Variants in AGMO observed in about 807,000 individuals in gnomAD.
AGMO encodes the protein alkylglycerol monooxygenase, also known as glyceryl-ether monooxygenase.
A neutral mutation model predicts 60.2 loss-of-function variants in AGMO; 75 were observed. The ratio of observed to expected loss-of-function variants is 1.25; its 90% CI spans 1.03 to 1.51. The LOEUF (loss-of-function observed/expected upper bound fraction) is 1.51. Among genes scored for constraint, AGMO ranks in the 40% most tolerant of loss-of-function variants. The pLI, the probability that AGMO is intolerant of heterozygous loss-of-function variation, is 0.00. For synonymous variants in AGMO, 261 were observed against 177.1 expected (o/e 1.47, Z -3.76); for missense variants, 763 against 525.5 (o/e 1.45, Z -4.42).
the AGMO span, among the ~76,000 whole-genome samples, chr7:15,147,980 C>T: frequency 1.3e-5 from 2 of 152,120 alleles, no homozygotes; most frequent in Non-Finnish European, 2.9e-5. Flanking sequence ...GGAATATTTT[C>T]CAATCACTTA....
intron 12 of AGMO, among the ~76,000 whole-genome samples, chr7:15,263,686 A>G (rs1019113620): frequency 7.2e-5 from 11 of 152,088 alleles, no homozygotes; most frequent in South Asian, 2.1e-4. Context: ...TCATCAACCA[A>G]TGAAGGGATA....
chr7:15,184,458 G>A, the AGMO span, among the ~76,000 whole-genome samples: 1 of 127,216 alleles, frequency 7.9e-6, no homozygotes, highest in African/African-American at 3.0e-5. Context: ...AAGGAAGGGA[G>A]GTAAGAAGGA....
At chr7:15,425,930 CATTT>C (rs536004041) in intron 4 of AGMO, among the ~76,000 whole-genome samples, 90 of 152,276 alleles carry the variant, frequency 5.9e-4, no homozygotes, top group African/African-American at 2.0e-3. Context: ...CAATTAAGTT[CATTT>C]GTCATTAATT....
At chr7:15,495,499 G>A (rs1010754136) in intron 3 of AGMO, among the ~76,000 whole-genome samples, 13 of 152,038 alleles carry the variant, frequency 8.6e-5, no homozygotes, top group Non-Finnish European at 1.3e-4. Context: ...CAAATAGAAG[G>A]GGGGATTTTG....
chr7:15,195,191 C>T, the AGMO span, among the ~76,000 whole-genome samples: 1 of 152,136 alleles, frequency 6.6e-6, no homozygotes, highest in African/African-American at 2.4e-5. Flanking sequence ...AACACTAAAG[C>T]AGTCATTGTC....
Position 15,385,555 on chromosome 7 carries a change from C to A in AGMO, c.965G>T (p.Gly322Val). 6.3e-7 allele frequency: 1 copy of A among 1,595,728 alleles called. No homozygotes were observed. Among genetic ancestry groups the A allele is most frequent in the Non-Finnish European group, 8.6e-7 (1 of 1,163,822 alleles). Residue 322 changes from glycine to valine, a missense_variant, in exon 10 of 13, where the codon GGC (glycine) becomes GTC (valine). Physicochemically the swap from Gly to Val is moderately radical, Grantham distance 109. Transcript: ENST00000342526. ...AGATGATGAGAAGGGAACTTCTTTG[C>A]CGGTGACCTAGGGAGACAAGAACCA... ...GLSEEIPEVT[G>V]KEVPFSSSSS...
intron 12 of AGMO, among the ~76,000 whole-genome samples, chr7:15,307,251 C>T (rs933790329): frequency 1.5e-4 from 23 of 151,938 alleles, no homozygotes; most frequent in Non-Finnish European, 3.4e-4. Flanking sequence ...ACGTGGGAAT[C>T]CTTGTTTGAC....
intron 12 of AGMO, among the ~76,000 whole-genome samples, chr7:15,253,359 A>G (rs913859610): frequency 1.1e-4 from 16 of 152,258 alleles, no homozygotes; most frequent in African/African-American, 3.9e-4. Context: ...TTTCCCAACT[A>G]AACAGGGAGT....
At chr7:15,273,159 T>C (rs193097501) in intron 12 of AGMO, among the ~76,000 whole-genome samples, 4 of 152,336 alleles carry the variant, frequency 2.6e-5, no homozygotes, top group Admixed American at 2.0e-4. Context: ...ATTTTGGCTT[T>C]TCTTGCCATT....
At chr7:15,295,649 G>A (rs950567227) in intron 12 of AGMO, among the ~76,000 whole-genome samples, 11 of 151,970 alleles carry the variant, frequency 7.2e-5, no homozygotes, top group African/African-American at 2.7e-4. Flanking sequence ...GAAAGTTAAT[G>A]GGCAACTATC....
At chr7:15,372,881 G>A (rs567116967) in intron 10 of AGMO, among the ~76,000 whole-genome samples, 14 of 152,186 alleles carry the variant, frequency 9.2e-5, no homozygotes, top group South Asian at 8.3e-4. Flanking sequence ...ACGTATGATC[G>A]GTTCTTAATC....
intron 4 of AGMO, among the ~76,000 whole-genome samples, chr7:15,429,734 G>A (rs1781174355): frequency 6.6e-6 from 1 of 151,968 alleles, no homozygotes; most frequent in South Asian, 2.1e-4. Context: ...TTTTGCCTAT[G>A]CTGCTGTTTG....
chr7:15,441,903 G>T (rs892954951), intron 3 of AGMO, among the ~76,000 whole-genome samples: 1 of 152,120 alleles, frequency 6.6e-6, no homozygotes. Flanking sequence ...CCTCCTGAGT[G>T]GATGTATATT....
At chr7:15,294,772 C>T (rs970220862) in intron 12 of AGMO, among the ~76,000 whole-genome samples, 1 of 151,672 alleles carries the variant, frequency 6.6e-6, no homozygotes, top group East Asian at 1.9e-4. Flanking sequence ...AGAGATTTAT[C>T]CTGATGAATA....
chr7:15,430,707 T>C (rs578077081), intron 4 of AGMO, among the ~76,000 whole-genome samples: 121 of 151,348 alleles, frequency 8.0e-4, no homozygotes, highest in African/African-American at 2.6e-3. Flanking sequence ...ACCTTATCTA[T>C]ACATCACCCT....
intron 10 of AGMO, among the ~76,000 whole-genome samples, chr7:15,367,415 T>A (rs1783030203): frequency 6.6e-6 from 1 of 152,054 alleles, no homozygotes; most frequent in Admixed American, 6.6e-5. Context: ...TTTGTTACAT[T>A]CCCAATAACT....
chr7:15,217,118 C>A (rs1340462650), intron 12 of AGMO, among the ~76,000 whole-genome samples: 1 of 151,946 alleles, frequency 6.6e-6, no homozygotes, highest in Non-Finnish European at 1.5e-5. Context: ...TGTGATGTTG[C>A]AATTGAGCCA....
chr7:15,384,173 G>C (rs1294658947), intron 10 of AGMO, among the ~76,000 whole-genome samples: 1 of 152,054 alleles, frequency 6.6e-6, no homozygotes, highest in Non-Finnish European at 1.5e-5. Context: ...TCCTGACCTC[G>C]TGATCTGCCC....
At chr7:15,138,813 G>A in the AGMO span, among the ~76,000 whole-genome samples, 9 of 148,894 alleles carry the variant, frequency 6.0e-5, no homozygotes, top group African/African-American at 2.2e-4. Context: ...GTAATGTAAG[G>A]CCTGAGTCTA....
Sources: allele counts gnomAD v4.1 joint callset (sites outside exome capture counted in the v4.1 genomes callset), GRCh38; gene constraint gnomAD v4.1.1; transcripts MANE v1.5; gene names NCBI Gene and HGNC (gene_info 2026-07-23, HGNC 2026-07-21).